The following GRIN2B variants were observed in gnomAD, a reference collection of about 807,000 sequenced individuals.
GRIN2B encodes the protein glutamate ionotropic receptor NMDA type subunit 2B, also known as glutamate receptor ionotropic, NMDA 2B.
GRIN2B carries 5 observed loss-of-function variants against 114.5 expected under a neutral mutation model. The observed-to-expected ratio is 0.04, with a 90% CI of 0.02 to 0.09. GRIN2B has a LOEUF of 0.09. GRIN2B is among the 10% of genes least tolerant of loss of function. The pLI is 1.00. For missense variants in GRIN2B, 1,108 were observed against 1,943.5 expected (o/e 0.57, Z 8.08); for synonymous variants, 787 against 745.1 (o/e 1.06, Z -0.92).
At position 13,854,974 on chromosome 12, in the gene GRIN2B, G is replaced by A. The variant is rs147557795; in HGVS notation, c.411+10824C>T. On this transcript the variant is annotated intron_variant, in intron 3 of 13. Coordinates refer to ENST00000609686, the MANE Select transcript of GRIN2B (RefSeq NM_000834.5). ...ACCTATAATCCCAGCACTTTGGAAG[G>A]CCAAGGTGGGTGGACCACCTGAGGT... 6.6e-3 allele frequency among the ~76,000 whole-genome samples: 993 copies of A among 150,756 alleles called. 7 individuals carry two copies. Among genetic ancestry groups the A allele is most frequent in the South Asian group, 0.01 (48 of 4,772 alleles).
At chr12:13,856,325 A>G (rs1316410422) in intron 3 of GRIN2B, among the ~76,000 whole-genome samples, 4 of 152,190 alleles carry the variant, frequency 2.6e-5, no homozygotes, top group African/African-American at 9.6e-5. Flanking sequence ...CAGATTAAAG[A>G]GGACGCTTCA....
intron 5 of GRIN2B, among the ~76,000 whole-genome samples, chr12:13,669,838 C>G (rs1034125590): frequency 6.6e-6 from 1 of 152,118 alleles, no homozygotes; most frequent in African/African-American, 2.4e-5. Flanking sequence ...TGTATAAACA[C>G]TGATTTGATC....
chr12:13,703,114 AT>A (rs1330707446), intron 4 of GRIN2B, among the ~76,000 whole-genome samples: 1 of 152,166 alleles, frequency 6.6e-6, no homozygotes, highest in Non-Finnish European at 1.5e-5. Context: ...GCTCCCAGGG[AT>A]ACTTGTTTAT....
intron 2 of GRIN2B, among the ~76,000 whole-genome samples, chr12:13,973,881 C>A (rs1010689479): frequency 7.9e-5 from 12 of 152,122 alleles, no homozygotes; most frequent in African/African-American, 2.9e-4. Flanking sequence ...CCATTTCAAG[C>A]CCATCTTCCC....
chr12:13,900,139 C>G (rs558837527), intron 2 of GRIN2B, among the ~76,000 whole-genome samples: 2 of 152,234 alleles, frequency 1.3e-5, no homozygotes, highest in Admixed American at 6.5e-5. Context: ...ATATAAGCAG[C>G]TTAGAGCTTC....
intron 2 of GRIN2B, among the ~76,000 whole-genome samples, chr12:13,882,103 G>A (rs1015533562): frequency 7.2e-5 from 11 of 152,200 alleles, no homozygotes; most frequent in South Asian, 2.1e-4. Context: ...CAAATCTCCC[G>A]GAGATAGATG....
chr12:13,607,354 TATATAATATATATTATATATTATA>T (rs1949282714), intron 10 of GRIN2B, among the ~76,000 whole-genome samples: 35 of 38,868 alleles, frequency 9.0e-4, no homozygotes, highest in Admixed American at 5.4e-3. Context: ...ATATATAAAA[TATATAATATATATTATATATTATA>T]TATATAATAT....
At chr12:13,957,261 T>C (rs1208333532) in intron 2 of GRIN2B, among the ~76,000 whole-genome samples, 1 of 152,044 alleles carries the variant, frequency 6.6e-6, no homozygotes, top group East Asian at 1.9e-4. Flanking sequence ...GTAAATATAG[T>C]AACTAGTATT....
At chr12:13,781,474 G>A (rs765077947) in intron 3 of GRIN2B, among the ~76,000 whole-genome samples, 3 of 152,180 alleles carry the variant, frequency 2.0e-5, no homozygotes, top group Non-Finnish European at 2.9e-5. Context: ...TTGACTGTAA[G>A]TGGAACACAC....
At position 13,537,402 on chromosome 12, in the gene GRIN2B, ATATC is replaced by A. The variant is rs1316271613; in HGVS notation, c.*25377_*25380del. 6.6e-6 allele frequency: 1 copy of A among 152,168 alleles called. No individual in the cohort carries two copies. The highest frequency in any genetic ancestry group is 2.4e-5 in the African/African-American group (1 of 41,454). The allele number at this position is 152,168 out of a possible 1,614,324, so 9.4% of individuals were successfully genotyped here. A position where few individuals can be genotyped will look rare whatever the true frequency, so the allele number is the denominator to read the frequency against. ...CATAGAGGAGCTTTGCAGTATGTCT[ATATC>A]TAGCCGTGTATGCTGGGGATAGGCA... On this transcript the variant is annotated 3_prime_UTR_variant, in exon 14 of 14. Transcript: ENST00000609686.
rs553653895 is a variant in GRIN2B, at chr12:13,728,665, T to C, written c.1010+24652A>G. On this transcript the variant is annotated intron_variant, in intron 4 of 13. Transcript: ENST00000609686. The stretch of plus-strand genomic sequence containing the variant: ...TGGCAGGAACCAGGTGTAAACTTGA[T>C]AGATCTCCCACAGCATCTATCACTG... 2.0e-5 allele frequency among the ~76,000 whole-genome samples: 3 copies of C among 152,266 alleles called. No individual in the cohort carries two copies. In the South Asian group the frequency reaches 6.2e-4, roughly 32 times the overall value.
intron 3 of GRIN2B, among the ~76,000 whole-genome samples, chr12:13,803,389 T>C (rs1336344007): frequency 1.3e-5 from 2 of 152,108 alleles, no homozygotes; most frequent in African/African-American, 2.4e-5. Context: ...CTGGGCTGTG[T>C]TCTGTGCATG....
intron 10 of GRIN2B, among the ~76,000 whole-genome samples, chr12:13,588,768 C>T (rs1948966467): frequency 6.6e-6 from 1 of 152,154 alleles, no homozygotes; most frequent in South Asian, 2.1e-4. Context: ...TGGATGTGGT[C>T]AGGCTGCGTT....
At chr12:13,594,140 G>C (rs190702527) in intron 10 of GRIN2B, among the ~76,000 whole-genome samples, 1 of 152,240 alleles carries the variant, frequency 6.6e-6, no homozygotes, top group African/African-American at 2.4e-5. Flanking sequence ...TCTAGAACTA[G>C]AAATACCATT....
At chr12:13,566,932 T>G in intron 13 of GRIN2B, 93 bp downstream of exon 13, 1 of 855,808 alleles carries the variant, frequency 1.2e-6, no homozygotes, top group Non-Finnish European at 2.0e-6. Flanking sequence ...AACATGGGGG[T>G]GGAGATAGTG....
In GRIN2B at chr12:13,567,278, G is replaced by A; in HGVS notation, c.2360-15C>T. On this transcript the variant is annotated splice_polypyrimidine_tract_variant and intron_variant, in intron 12 of 13. Coordinates refer to ENST00000609686, the MANE Select transcript of GRIN2B (RefSeq NM_000834.5). ...TTCCATCTCCCCTGGGGAAAGGACAGAGAAGGAAAATGGATAAAAAGAGGA... is the reference window on the plus strand; with the variant it reads ...TTCCATCTCCCCTGGGGAAAGGACAAAGAAGGAAAATGGATAAAAAGAGGA... 2 of 1,581,236 alleles carry A rather than the reference G, an allele frequency of 1.3e-6. No individual in the cohort carries two copies. The highest frequency in any genetic ancestry group is 1.7e-6 in the Non-Finnish European group (2 of 1,150,252).
chr12:13,628,902 C>T (rs1024361061), intron 5 of GRIN2B, among the ~76,000 whole-genome samples: 1 of 151,972 alleles, frequency 6.6e-6, no homozygotes, highest in African/African-American at 2.4e-5. Context: ...GTTGTGAATA[C>T]ATATGAAAAG....
intron 12 of GRIN2B, among the ~76,000 whole-genome samples, chr12:13,569,359 A>C (rs1448857990): frequency 6.6e-6 from 1 of 152,190 alleles, no homozygotes; most frequent in Non-Finnish European, 1.5e-5. Context: ...CCCTAATCTA[A>C]TATGACTGGC....
intron 13 of GRIN2B, among the ~76,000 whole-genome samples, chr12:13,566,586 A>G (rs1378364054): frequency 6.6e-6 from 1 of 152,256 alleles, no homozygotes; most frequent in Non-Finnish European, 1.5e-5. Flanking sequence ...CATGGTTAAA[A>G]CATAGAGTGA....
Sources: allele counts gnomAD v4.1 joint callset (sites outside exome capture counted in the v4.1 genomes callset), GRCh38; gene constraint gnomAD v4.1.1; transcripts MANE v1.5; gene names NCBI Gene and HGNC (gene_info 2026-07-23, HGNC 2026-07-21).